PALM2AKAP2: variants seen among roughly 807,000 people sequenced by gnomAD.
The protein encoded by PALM2AKAP2 is PALM2-AKAP2 fusion protein.
Under a neutral mutation model 71.5 loss-of-function variants are expected in PALM2AKAP2, and 37 were observed. The observed-to-expected ratio is 0.52, with a 90% CI of 0.40 to 0.68. PALM2AKAP2 has a LOEUF of 0.68. Among genes scored for constraint, PALM2AKAP2 ranks in the 30% least tolerant of loss-of-function variants. The pLI is 0.00. For synonymous variants in PALM2AKAP2, 468 were observed against 478.8 expected (o/e 0.98, Z 0.29); for missense variants, 1,224 against 1,191.8 (o/e 1.03, Z -0.40).
At chr9:110,065,833 A>G (rs961000864) in intron 1 of PALM2AKAP2, among the ~76,000 whole-genome samples, 1 of 152,134 alleles carries the variant, frequency 6.6e-6, no homozygotes, top group African/African-American at 2.4e-5. Context: ...GGCTTATTTC[A>G]CTTAGCATAA....
At position 110,156,589 on chromosome 9, in the gene PALM2AKAP2, G is replaced by T. The variant is rs142667306; in HGVS notation, c.2748+92G>T. 17 of 1,423,994 alleles carry T rather than the reference G, an allele frequency of 1.2e-5. No homozygotes were observed. The Middle Eastern group carries it at 5.7e-4, about 47-fold the overall frequency. The allele number at this position is 1,423,994 out of a possible 1,614,324, so 88.2% of individuals were successfully genotyped here. ...CAGTTCAGGCACAAATGTGTATGTC[G>T]TTGTCTGGTCAGCATTAGGGTTCCA... On this transcript the variant is annotated intron_variant, in intron 3 of 3. Transcript: ENST00000374525.
intron 1 of PALM2AKAP2, among the ~76,000 whole-genome samples, chr9:109,825,460 C>T (rs1281502060): frequency 2.0e-5 from 3 of 152,310 alleles, no homozygotes; most frequent in Non-Finnish European, 1.5e-5. Flanking sequence ...TTGCAGCCTA[C>T]TCATCTGACG....
At chr9:109,998,224 G>A (rs1227035416) in intron 6 of PALM2AKAP2, among the ~76,000 whole-genome samples, 1 of 152,208 alleles carries the variant, frequency 6.6e-6, no homozygotes, top group African/African-American at 2.4e-5. Flanking sequence ...TTTAGGAAAA[G>A]CAGAGGCATT....
chr9:109,728,991 A>G (rs1484181496), intron 1 of PALM2AKAP2, among the ~76,000 whole-genome samples: 1 of 152,196 alleles, frequency 6.6e-6, no homozygotes, highest in East Asian at 1.9e-4. Context: ...TTTTAACAAC[A>G]TGTTAAACTG....
chr9:109,939,722 A>AT (rs1406468216), intron 6 of PALM2AKAP2, among the ~76,000 whole-genome samples: 2 of 152,220 alleles, frequency 1.3e-5, no homozygotes, highest in Non-Finnish European at 2.9e-5. Flanking sequence ...CTGATGGCAC[A>AT]TTTTGTGAGA....
rs775508946 is a variant in PALM2AKAP2, at chr9:109,931,958, C to A, written c.426C>A (p.Pro142=). The change falls in exon 6 of 10, where the codon CCC becomes CCA. Residue 142 remains proline, a synonymous_variant. Coordinates refer to the PALM2AKAP2 transcript ENST00000302798. ...TAAATTACATTTCCTCCCAGCTTCC[C>A]GACCTGCCAATCCTCTGTTCACGAA... 1.7e-5 allele frequency: 28 copies of A among 1,613,948 alleles called. No individual in the cohort carries two copies. The Admixed American group carries it at 4.3e-4, about 25-fold the overall frequency.
intron 6 of PALM2AKAP2, among the ~76,000 whole-genome samples, chr9:109,950,075 A>G (rs994836268): frequency 2.0e-5 from 3 of 152,192 alleles, no homozygotes; most frequent in Non-Finnish European, 4.4e-5. Context: ...GTGTGAGCCC[A>G]GAAGTTCAAG....
At chr9:109,661,383 A>G (rs1322456681) in intron 1 of PALM2AKAP2, among the ~76,000 whole-genome samples, 6 of 152,050 alleles carry the variant, frequency 3.9e-5, no homozygotes, top group African/African-American at 1.2e-4. Flanking sequence ...TATACATTTG[A>G]CTAGCCAGTT....
chr9:110,102,681 A>T (rs556027235), intron 1 of PALM2AKAP2, among the ~76,000 whole-genome samples: 1 of 151,874 alleles, frequency 6.6e-6, no homozygotes, highest in African/African-American at 2.4e-5. Flanking sequence ...AGACTTGTGG[A>T]GGCTTAGGTA....
intron 6 of PALM2AKAP2, among the ~76,000 whole-genome samples, chr9:109,969,516 C>A (rs1418028516): frequency 1.3e-5 from 2 of 152,240 alleles, no homozygotes; most frequent in East Asian, 1.9e-4. Flanking sequence ...GTCTGGCAGG[C>A]AGTTCAAACT....
chr9:109,808,609 C>T (rs779709562), intron 1 of PALM2AKAP2, among the ~76,000 whole-genome samples: 2 of 152,096 alleles, frequency 1.3e-5, no homozygotes, highest in African/African-American at 2.4e-5. Context: ...CCTGATGTTG[C>T]GATAGAAAAG....
chr9:109,949,866 G>A (rs978424655), intron 6 of PALM2AKAP2, among the ~76,000 whole-genome samples: 2 of 152,184 alleles, frequency 1.3e-5, no homozygotes, highest in African/African-American at 2.4e-5. Context: ...TATTTAAGGA[G>A]TAATTGCCAC....
At chr9:109,757,223 C>G (rs1212758568) in intron 1 of PALM2AKAP2, among the ~76,000 whole-genome samples, 1 of 152,066 alleles carries the variant, frequency 6.6e-6, no homozygotes, top group African/African-American at 2.4e-5. Context: ...GCAAGATATG[C>G]CTTTCTGTGC....
chr9:110,070,434 T>A (rs1406295715), intron 1 of PALM2AKAP2, among the ~76,000 whole-genome samples: 1 of 151,942 alleles, frequency 6.6e-6, no homozygotes, highest in Non-Finnish European at 1.5e-5. Flanking sequence ...ACTAAAAAGT[T>A]TTAGAAACTA....
At chr9:109,974,305 C>T (rs1453702690) in intron 6 of PALM2AKAP2, among the ~76,000 whole-genome samples, 2 of 152,186 alleles carry the variant, frequency 1.3e-5, no homozygotes, top group Non-Finnish European at 2.9e-5. Flanking sequence ...TATGCCCAGC[C>T]TGTTGCTAAC....
chr9:110,016,966 G>T (rs1011143264), intron 7 of PALM2AKAP2, among the ~76,000 whole-genome samples: 3 of 151,960 alleles, frequency 2.0e-5, no homozygotes, highest in Non-Finnish European at 4.4e-5. Context: ...TGCAAGCTCC[G>T]CCTCCCGGGT....
chr9:109,740,531 C>T (rs555412729), intron 1 of PALM2AKAP2, among the ~76,000 whole-genome samples: 7 of 152,054 alleles, frequency 4.6e-5, no homozygotes, highest in African/African-American at 7.2e-5. Flanking sequence ...GGAGACTGCT[C>T]GGTATGTCCA....
At position 109,839,401 on chromosome 9, in the gene PALM2AKAP2, T is replaced by C. The variant is rs886196793; in HGVS notation, c.46-28090T>C. 9.8e-5 allele frequency among the ~76,000 whole-genome samples: 15 copies of C among 152,318 alleles called. No individual in the cohort carries two copies. The South Asian group carries it at 3.1e-3, about 32-fold the overall frequency. On this transcript the variant is annotated intron_variant, in intron 1 of 9. Transcript: ENST00000302798. ...GGACGTATCTCAAAATAATAAGGGC[T>C]ATTTATGACAAACCCACAGCCAATA...
chr9:109,732,299 C>G (rs1482396160), intron 1 of PALM2AKAP2, among the ~76,000 whole-genome samples: 1 of 152,136 alleles, frequency 6.6e-6, no homozygotes, highest in African/African-American at 2.4e-5. Flanking sequence ...GGGAATAGCA[C>G]CAGCTTTGGA....
Sources: allele counts gnomAD v4.1 joint callset (sites outside exome capture counted in the v4.1 genomes callset), GRCh38; gene constraint gnomAD v4.1.1; transcripts MANE v1.5; gene names NCBI Gene and HGNC (gene_info 2026-07-23, HGNC 2026-07-21).